CTDSPL2: variants seen among roughly 807,000 people sequenced by gnomAD.
The protein encoded by CTDSPL2 is CTD small phosphatase like 2, also known as CTD small phosphatase-like protein 2.
In CTDSPL2, 5 loss-of-function variants were observed where a neutral mutation model predicts 60.0. The ratio of observed to expected loss-of-function variants is 0.08; its 90% confidence interval spans 0.04 to 0.18. The LOEUF is 0.18. CTDSPL2 is among the 10% of genes least tolerant of loss of function. CTDSPL2 has a pLI of 1.00. For missense variants in CTDSPL2, 370 were observed against 548.8 expected, an observed-to-expected ratio of 0.67 and a Z score of 3.26; for synonymous variants, 186 against 189.3, an observed-to-expected ratio of 0.98 and a Z score of 0.14.
At chr15:44,456,866 CTTTTT>C (rs1381463468) in intron 1 of CTDSPL2, among the ~76,000 whole-genome samples, 35 of 99,698 alleles carry the variant, frequency 3.5e-4, no homozygotes, top group South Asian at 2.6e-3. Context: ...TTTTTTTTTT[CTTTTT>C]TTTTTTGTTT....
At chr15:44,514,881 C>A in intron 10 of CTDSPL2, 37 bp downstream of exon 10, 1 of 1,186,694 alleles carries the variant, frequency 8.4e-7, no homozygotes, top group Non-Finnish European at 1.2e-6. Context: ...ATGTCTGTCA[C>A]ACTGATCTAT....
At position 44,510,386 on chromosome 15, in the gene CTDSPL2, A is replaced by G. The variant is rs2081546309; in HGVS notation, c.970-4212A>G. 2.0e-5 allele frequency among the ~76,000 whole-genome samples: 3 copies of G among 152,226 alleles called. No individual in the cohort carries two copies. In the South Asian group the frequency reaches 6.2e-4, roughly 31 times the overall value. ...TGTTCATAAATCTGTATCTTCAAGT[A>G]GTAGTCAATCTTGAATAGTTTTTTA... On this transcript the variant is annotated intron_variant, in intron 8 of 12. Transcript: ENST00000260327.
At position 44,439,901 on chromosome 15, in the gene CTDSPL2, G is replaced by C. The variant is rs750815505; in HGVS notation, c.-25+12129G>C. Reference sequence around the variant, plus strand: ...TGGTTTTGTTATCAAGGTAATGTTGGTCTCATAAAATGAGTTGGGAAGTGT... The same window carrying C: ...TGGTTTTGTTATCAAGGTAATGTTGCTCTCATAAAATGAGTTGGGAAGTGT... On this transcript the variant is annotated intron_variant, in intron 1 of 12. Coordinates refer to ENST00000260327, the MANE Select transcript of CTDSPL2 (RefSeq NM_016396.3). Among the ~76,000 whole-genome samples the C allele has an allele frequency of 3.3e-5, 5 of 152,130 alleles. No individual in the cohort carries two copies. The South Asian group carries it at 8.3e-4, about 25-fold the overall frequency.
chr15:44,435,252 G>A (rs1448810854), intron 1 of CTDSPL2, among the ~76,000 whole-genome samples: 19 of 120,324 alleles, frequency 1.6e-4, no homozygotes, highest in African/African-American at 4.6e-4. Context: ...GTGAGACTCC[G>A]TCTCAAAAAA....
In CTDSPL2 at chr15:44,525,198, C is replaced by CT; in HGVS notation, c.*1025dup. ...TATTTTGCATGGGCTGGTAGTACCT[C>CT]TGTTATGCTCTCAGTTACAATCAAT... On this transcript the variant is annotated 3_prime_UTR_variant, in exon 13 of 13. Transcript: ENST00000260327. 2.6e-6 allele frequency: 1 copy of CT among 388,078 alleles called. No individual in the cohort carries two copies. Among genetic ancestry groups the CT allele is most frequent in the East Asian group, 3.6e-5 (1 of 27,426 alleles). 24.0% of individuals were successfully genotyped at this position (388,078 alleles called of 1,614,324 possible). A position where few individuals can be genotyped will look rare whatever the true frequency, so the allele number is the denominator to read the frequency against.
chr15:44,433,451 C>CAT lies in CTDSPL2; in HGVS notation c.-25+5687_-25+5688dup, dbSNP rs35158226. On this transcript the variant is annotated intron_variant, in intron 1 of 12. Transcript: ENST00000260327. Reference sequence around the variant, plus strand: ...AGTAGGGATTTAAATGTTTTATATACATATATATACACACACACACACACA... The same window carrying CAT: ...AGTAGGGATTTAAATGTTTTATATACATATATATATACACACACACACACACA... Among the ~76,000 whole-genome samples the CAT allele has an allele frequency of 5.3e-3, 571 of 107,094 alleles. 15 individuals carry two copies. In the East Asian group the frequency reaches 0.056, roughly 10 times the overall value. The allele number at this position is 107,094 out of a possible 152,430, so 70.3% of individuals were successfully genotyped here.
At chr15:44,494,966 CTTAATT>C (rs2081273873) in intron 5 of CTDSPL2, among the ~76,000 whole-genome samples, 1 of 151,964 alleles carries the variant, frequency 6.6e-6, no homozygotes, top group African/African-American at 2.4e-5. Flanking sequence ...AGTAGCATTT[CTTAATT>C]TTTTGTTTTT....
intron 1 of CTDSPL2, among the ~76,000 whole-genome samples, chr15:44,435,076 A>T (rs888877284): frequency 6.6e-6 from 1 of 152,084 alleles, no homozygotes; most frequent in Non-Finnish European, 1.5e-5. Flanking sequence ...CCTGACCAAC[A>T]TGGTGAAACC....
chr15:44,511,326 AG>A (rs2081561540), intron 8 of CTDSPL2, among the ~76,000 whole-genome samples: 1 of 152,260 alleles, frequency 6.6e-6, no homozygotes, highest in African/African-American at 2.4e-5. Context: ...TAGTTAAAGT[AG>A]TAGTATGCAC....
rs1595730433 is a variant in CTDSPL2 at position 44,470,224 on chromosome 15, C to CG, written c.186+11024_186+11025insG. On this transcript the variant is annotated intron_variant, in intron 2 of 12. Transcript: ENST00000260327. Reference sequence around the variant, plus strand: ...CTTATTTTTGTGCATTTGTCTACTTCATTATCTGTCAATATTTGCTTCATG... The same window carrying CG: ...CTTATTTTTGTGCATTTGTCTACTTCGATTATCTGTCAATATTTGCTTCATG... 3.4e-5 allele frequency among the ~76,000 whole-genome samples: 5 copies of CG among 147,646 alleles called. No individual in the cohort carries two copies. The East Asian group carries it at 1.0e-3, about 31-fold the overall frequency.
intron 8 of CTDSPL2, among the ~76,000 whole-genome samples, chr15:44,506,162 T>C (rs1029020623): frequency 2.7e-5 from 4 of 150,464 alleles, no homozygotes; most frequent in Non-Finnish European, 5.9e-5. Flanking sequence ...CCCGAATAAC[T>C]AGGATTATAG....
chr15:44,440,881 T>G (rs1873314591), intron 1 of CTDSPL2, among the ~76,000 whole-genome samples: 1 of 152,152 alleles, frequency 6.6e-6, no homozygotes, highest in Admixed American at 6.6e-5. Flanking sequence ...AAGCTGAGTT[T>G]CTGTTTTGTT....
chr15:44,516,626 C>G (rs1009602521), intron 10 of CTDSPL2: 1 of 152,172 alleles, frequency 6.6e-6, no homozygotes, highest in Non-Finnish European at 1.5e-5. Context: ...TTCAGCATCT[C>G]CAGTATTCCA....
intron 1 of CTDSPL2, among the ~76,000 whole-genome samples, chr15:44,435,235 C>T (rs1270066926): frequency 1.5e-5 from 2 of 137,178 alleles, no homozygotes; most frequent in Admixed American, 8.2e-5. Flanking sequence ...CTAGCCTGGG[C>T]GACAGAGTGA....
Position 44,521,768 on chromosome 15 carries a change from C to G in CTDSPL2, c.1335+362C>G, listed in dbSNP as rs1031178132. Among the ~76,000 whole-genome samples, 3 of 151,146 alleles carry G rather than the reference C, an allele frequency of 2.0e-5. No individual in the cohort carries two copies. In the East Asian group the frequency reaches 5.8e-4, roughly 29 times the overall value. ...CCTGGCTAACACGGTGAAACCCCGTCTCTACTAAAAATACAAAAAATTAGC... is the reference window on the plus strand; with the variant it reads ...CCTGGCTAACACGGTGAAACCCCGTGTCTACTAAAAATACAAAAAATTAGC... On this transcript the variant is annotated intron_variant, in intron 12 of 12. Transcript: ENST00000260327.
At chr15:44,479,292 CCTTGTAGTATAGT>C (rs778605667) in intron 2 of CTDSPL2, among the ~76,000 whole-genome samples, 20 of 151,628 alleles carry the variant, frequency 1.3e-4, no homozygotes, top group Admixed American at 2.6e-4. Flanking sequence ...CTCTTGGGCC[CCTTGTAGTATAGT>C]CTTTATTTCT....
chr15:44,514,143 AAT>A (rs2081612259), intron 8 of CTDSPL2, among the ~76,000 whole-genome samples: 1 of 152,220 alleles, frequency 6.6e-6, no homozygotes, highest in Admixed American at 6.5e-5. Context: ...ATAAATTTAA[AAT>A]AGAGATATTT....
chr15:44,427,660 G>A lies in CTDSPL2; in HGVS notation c.-137G>A, dbSNP rs1292445823. 7 of 399,386 alleles carry A rather than the reference G, an allele frequency of 1.8e-5. No individual in the cohort carries two copies. In the South Asian group the frequency reaches 8.9e-4, roughly 51 times the overall value. The allele number at this position is 399,386 out of a possible 1,614,324, so 24.7% of individuals were successfully genotyped here. A position where few individuals can be genotyped will look rare whatever the true frequency, so the allele number is the denominator to read the frequency against. On this transcript the variant is annotated 5_prime_UTR_variant, in exon 1 of 13. Transcript: ENST00000260327. The stretch of plus-strand genomic sequence containing the variant: ...GGTCGGTAGGCGGGAAATGGCGACT[G>A]GCTGAAGGAGCTGGTTCTGTTGCTG...
At chr15:44,500,032 T>C (rs1171497947) in intron 8 of CTDSPL2, among the ~76,000 whole-genome samples, 1 of 152,224 alleles carries the variant, frequency 6.6e-6, no homozygotes, top group Non-Finnish European at 1.5e-5. Flanking sequence ...CTAACTTTCT[T>C]ACCTTGAGAT....
Sources: allele counts gnomAD v4.1 joint callset (sites outside exome capture counted in the v4.1 genomes callset), GRCh38; gene constraint gnomAD v4.1.1; transcripts MANE v1.5; gene names NCBI Gene and HGNC (gene_info 2026-07-23, HGNC 2026-07-21).